Variants in GPCPD1 observed in about 807,000 individuals in gnomAD.
The protein encoded by GPCPD1 is glycerophosphocholine phosphodiesterase GPCPD1.
A neutral mutation model predicts 89.2 loss-of-function variants in GPCPD1; 29 were observed. The observed-to-expected ratio is 0.33, with a 90% CI of 0.24 to 0.44. The LOEUF (loss-of-function observed/expected upper bound fraction) is 0.44. Among genes scored for constraint, GPCPD1 ranks in the 20% least tolerant of loss-of-function variants. The pLI, the probability that GPCPD1 is intolerant of heterozygous loss-of-function variation, is 1.00. For synonymous variants in GPCPD1, 258 were observed against 266.3 expected (o/e 0.97, Z 0.30); for missense variants, 594 against 808.9 (o/e 0.73, Z 3.22).
intron 1 of GPCPD1, among the ~76,000 whole-genome samples, chr20:5,604,808 C>CA (rs1555811065): frequency 6.6e-6 from 1 of 151,108 alleles, no homozygotes; most frequent in Non-Finnish European, 1.5e-5. Flanking sequence ...CACACACACG[C>CA]CAGGCATGGG....
chr20:5,567,581 A>C, intron 12 of GPCPD1, 21 bp from the exon 13 acceptor site: 2 of 1,489,554 alleles, frequency 1.3e-6, no homozygotes, highest in Non-Finnish European at 1.8e-6. Context: ...AAAAAAAAGA[A>C]AGAAAGAAAA....
chr20:5,558,847 T>C, intron 17 of GPCPD1, 28 bp from the exon 18 acceptor site: 1 of 1,501,642 alleles, frequency 6.7e-7, no homozygotes, highest in Non-Finnish European at 9.0e-7. Flanking sequence ...TAAAAATACC[T>C]TTCAATGGGG....
At chr20:5,556,333 G>A (rs1284034794) in intron 19 of GPCPD1, among the ~76,000 whole-genome samples, 1 of 152,004 alleles carries the variant, frequency 6.6e-6, no homozygotes, top group African/African-American at 2.4e-5. Flanking sequence ...TCAGCCCCGA[G>A]CAGCTAGGAT....
At chr20:5,601,986 A>G (rs1378974493) in intron 2 of GPCPD1, among the ~76,000 whole-genome samples, 3 of 152,198 alleles carry the variant, frequency 2.0e-5, no homozygotes, top group Admixed American at 6.5e-5. Flanking sequence ...AATGCTTACT[A>G]AAGAAATCTG....
chr20:5,587,940 T>C (rs1433361420), intron 4 of GPCPD1, among the ~76,000 whole-genome samples: 2 of 152,160 alleles, frequency 1.3e-5, no homozygotes, highest in African/African-American at 4.8e-5. Flanking sequence ...CACGATATAT[T>C]TCTTCAAATC....
At position 5,604,618 on chromosome 20, in the gene GPCPD1, G is replaced by GC. The variant is rs34540985; in HGVS notation, c.-28-179_-28-178insG. On this transcript the variant is annotated intron_variant, in intron 1 of 19. Coordinates refer to ENST00000379019, the MANE Select transcript of GPCPD1 (RefSeq NM_019593.5). ...TTTAAAGTAACTTTAGTGCGGGGGGGGGGGGGCGGGAAAGAAACAAGTGAA... is the reference window on the plus strand; with the variant it reads ...TTTAAAGTAACTTTAGTGCGGGGGGGCGGGGGGCGGGAAAGAAACAAGTGAA... Among the ~76,000 whole-genome samples, 9 of 87,156 alleles carry GC rather than the reference G, an allele frequency of 1.0e-4. 1 individual carries two copies. The East Asian group carries it at 1.2e-3, about 12-fold the overall frequency. 57.2% of individuals were successfully genotyped at this position (87,156 alleles called of 152,430 possible).
intron 2 of GPCPD1, among the ~76,000 whole-genome samples, chr20:5,602,001 C>T (rs1380124064): frequency 6.6e-6 from 1 of 152,186 alleles, no homozygotes; most frequent in Non-Finnish European, 1.5e-5. Flanking sequence ...AATCTGCAAA[C>T]AGCACCTCCA....
intron 2 of GPCPD1, among the ~76,000 whole-genome samples, chr20:5,600,257 G>A (rs1032208132): frequency 1.3e-5 from 2 of 152,172 alleles, no homozygotes; most frequent in Non-Finnish European, 2.9e-5. Context: ...CAGATTTCAG[G>A]GCTCTAAATA....
At chr20:5,572,481 C>T (rs1986778605) in intron 11 of GPCPD1, among the ~76,000 whole-genome samples, 2 of 151,952 alleles carry the variant, frequency 1.3e-5, no homozygotes, top group Admixed American at 6.6e-5. Flanking sequence ...TTCCAATTTC[C>T]AAGAGGCTAA....
chr20:5,604,265 A>C, intron 2 of GPCPD1, 99 bp downstream of exon 2: 1 of 698,658 alleles, frequency 1.4e-6, no homozygotes, highest in Admixed American at 2.4e-5. Context: ...CATCTAAAAA[A>C]TCAGGCCCAC....
chr20:5,582,691 C>G (rs1248031039), intron 6 of GPCPD1, among the ~76,000 whole-genome samples: 4 of 152,084 alleles, frequency 2.6e-5, no homozygotes, highest in Non-Finnish European at 4.4e-5. Context: ...GAGTTTGAGA[C>G]CAGCCTGACC....
chr20:5,574,908 C>T (rs1978285856), intron 10 of GPCPD1, among the ~76,000 whole-genome samples: 1 of 152,160 alleles, frequency 6.6e-6, no homozygotes, highest in Non-Finnish European at 1.5e-5. Flanking sequence ...AGCTATCGCA[C>T]TGGTAATTAA....
chr20:5,597,844 A>G lies in GPCPD1; in HGVS notation c.146+881T>C, dbSNP rs575828874. On this transcript the variant is annotated intron_variant, in intron 3 of 19. Transcript: ENST00000379019. ...CATCCACTGTGCCCATACTAAGTTTACTGATGGATTCAATGCCACTAGTGA... is the reference window on the plus strand; with the variant it reads ...CATCCACTGTGCCCATACTAAGTTTGCTGATGGATTCAATGCCACTAGTGA... Among the ~76,000 whole-genome samples the G allele has an allele frequency of 2.6e-5, 4 of 152,334 alleles. No individual in the cohort carries two copies. The East Asian group carries it at 7.7e-4, about 29-fold the overall frequency.
chr20:5,559,482 G>C (rs1318751235), intron 17 of GPCPD1, among the ~76,000 whole-genome samples: 1 of 152,174 alleles, frequency 6.6e-6, no homozygotes, highest in Non-Finnish European at 1.5e-5. Context: ...CTACTCAAGA[G>C]GCCAAGGCAG....
In GPCPD1 at chr20:5,583,758, G is replaced by C. The variant is rs568506746; in HGVS notation, c.349+523C>G. ...CAAACACACAAAATACACAAACTTA[G>C]CCTAAGTGTAACATTTCACACTTTA... On this transcript the variant is annotated intron_variant, in intron 6 of 19. Transcript: ENST00000379019. Among the ~76,000 whole-genome samples, 8 of 152,112 alleles carry C rather than the reference G, an allele frequency of 5.3e-5. No homozygotes were observed. In the East Asian group the frequency reaches 1.5e-3, roughly 29 times the overall value.
intron 4 of GPCPD1, among the ~76,000 whole-genome samples, chr20:5,588,215 C>T (rs1157453899): frequency 6.6e-6 from 1 of 152,090 alleles, no homozygotes; most frequent in African/African-American, 2.4e-5. Context: ...TCAAAAGTTG[C>T]AAATATAGGA....
At chr20:5,600,588 C>T (rs949134990) in intron 2 of GPCPD1, among the ~76,000 whole-genome samples, 1 of 152,192 alleles carries the variant, frequency 6.6e-6, no homozygotes, top group African/African-American at 2.4e-5. Context: ...AATCCCAGCA[C>T]TTTGGGAGGC....
At chr20:5,563,120 C>A (rs1986186255) in intron 15 of GPCPD1, among the ~76,000 whole-genome samples, 2 of 151,992 alleles carry the variant, frequency 1.3e-5, no homozygotes, top group African/African-American at 4.8e-5. Context: ...GTAGCTGGGA[C>A]TACAGGCACC....
chr20:5,586,246 C>T lies in GPCPD1; in HGVS notation c.255G>A (p.Val85=), dbSNP rs1229795634. 8 of 1,594,432 alleles carry T rather than the reference C, an allele frequency of 5.0e-6. No homozygotes were observed. Among genetic ancestry groups the T allele is most frequent in the Non-Finnish European group, 6.9e-6 (8 of 1,162,518 alleles). ...EPKTIGGPCQ[V]IVHKWETHLQ... is the part of the protein sequence containing the mutation. Reference sequence around the variant, plus strand: ...GATGAGTCTCCCACTTGTGAACTATCACTTGACATGGACCACCGATAGTCT... The same window carrying T: ...GATGAGTCTCCCACTTGTGAACTATTACTTGACATGGACCACCGATAGTCT... Residue 85 remains valine (V), a synonymous_variant, in exon 5 of 20, where the codon GTG becomes GTA. Coordinates refer to ENST00000379019, the MANE Select transcript of GPCPD1 (RefSeq NM_019593.5).
Sources: allele counts gnomAD v4.1 joint callset (sites outside exome capture counted in the v4.1 genomes callset), GRCh38; gene constraint gnomAD v4.1.1; transcripts MANE v1.5; gene names NCBI Gene and HGNC (gene_info 2026-07-23, HGNC 2026-07-21).